The following MXI1 variants were observed in gnomAD, a reference collection of about 807,000 sequenced individuals.
The protein encoded by MXI1 is MAX interactor 1, dimerization protein.
In MXI1, 18 loss-of-function variants were observed where a neutral mutation model predicts 36.9. The ratio of observed to expected loss-of-function variants is 0.49; its 90% confidence interval spans 0.34 to 0.72. The LOEUF (loss-of-function observed/expected upper bound fraction) is 0.72. Among genes scored for constraint, MXI1 ranks in the 30% least tolerant of loss-of-function variants. The pLI is 0.01. For missense variants in MXI1, 304 were observed against 379.1 expected (o/e 0.80, Z 1.64); for synonymous variants, 160 against 146.7 (o/e 1.09, Z -0.65).
chr10:110,262,852 G>T (rs1388139757), intron 3 of MXI1, among the ~76,000 whole-genome samples: 1 of 152,074 alleles, frequency 6.6e-6, no homozygotes, highest in Admixed American at 6.6e-5. Flanking sequence ...AAGATGCACA[G>T]CTAAGATACA....
chr10:110,227,965 ACT>A, intron 1 of MXI1: 1 of 515,576 alleles, frequency 1.9e-6, no homozygotes. Context: ...GGGGGGATAA[ACT>A]CTTTGGTTTA....
At chr10:110,216,137 G>A (rs1374630182) in intron 1 of MXI1, among the ~76,000 whole-genome samples, 2 of 152,300 alleles carry the variant, frequency 1.3e-5, no homozygotes, top group East Asian at 3.9e-4. Flanking sequence ...AAGTGTGCTG[G>A]GCCCCTTGCT....
Position 110,227,523 on chromosome 10 carries a change from G to A in MXI1, c.275-666G>A, listed in dbSNP as rs570422743. On this transcript the variant is annotated intron_variant, in intron 1 of 5. Transcript: ENST00000332674. ...GAGGGTGACCGTGGAGAAGCTTGGA[G>A]GGCCCCGGAGCGGGAGAGGGTGCTG... The A allele has an allele frequency of 3.3e-4, 329 of 987,058 alleles. 1 individual carries two copies. The South Asian group carries it at 4.4e-3, about 13-fold the overall frequency. 61.1% of individuals were successfully genotyped at this position (987,058 alleles called of 1,614,324 possible). A position where few individuals can be genotyped will look rare whatever the true frequency, so the allele number is the denominator to read the frequency against.
rs199622291 is a variant in MXI1, at chr10:110,280,071, C to G, written c.710C>G (p.Ser237Cys). The G allele has an allele frequency of 1.5e-5, 24 of 1,590,028 alleles. No individual in the cohort carries two copies. Among genetic ancestry groups the G allele is most frequent in the Non-Finnish European group, 2.1e-5 (24 of 1,167,140 alleles). The change falls in exon 5 of 6, where the codon TCT becomes TGT. Residue 237 changes from serine (S) to cysteine (C), a missense_variant. Physicochemically the swap from Ser to Cys is moderately radical, Grantham distance 112. Around this residue, in one of 2 missense-constraint regions of MXI1, gnomAD observed 125 missense variants for 194.3 expected, o/e 0.64. Transcript: ENST00000332674. ...SIGSTISSDR[S>C]DSEREEIEVD... is the part of the protein sequence containing the mutation. ...GGATCAACTATTTCTTCAGATCGTTCTGATTCAGAGCGAGGTAGGCAGCTT... is the reference window on the plus strand; with the variant it reads ...GGATCAACTATTTCTTCAGATCGTTGTGATTCAGAGCGAGGTAGGCAGCTT...
intron 1 of MXI1, among the ~76,000 whole-genome samples, chr10:110,216,627 A>G (rs1285131035): frequency 2.2e-5 from 3 of 138,848 alleles, no homozygotes; most frequent in African/African-American, 8.5e-5. Context: ...CAAAAGGAGT[A>G]GTTCTTTCCC....
At chr10:110,209,780 AG>A (rs1265602415) in intron 1 of MXI1, among the ~76,000 whole-genome samples, 2 of 152,036 alleles carry the variant, frequency 1.3e-5, no homozygotes, top group Non-Finnish European at 2.9e-5. Flanking sequence ...CTTTTGTTGC[AG>A]GGGGGAGGGG....
intron 1 of MXI1, among the ~76,000 whole-genome samples, chr10:110,210,823 CGG>C (rs774045485): frequency 6.6e-6 from 1 of 152,210 alleles, no homozygotes. Context: ...TAACGCGAGT[CGG>C]GGGGCGGGTC....
chr10:110,252,451 T>C (rs911877747), intron 3 of MXI1, among the ~76,000 whole-genome samples: 1 of 152,132 alleles, frequency 6.6e-6, no homozygotes, highest in Non-Finnish European at 1.5e-5. Flanking sequence ...ATCTTAGGGC[T>C]TTTGCACTTG....
intron 1 of MXI1, among the ~76,000 whole-genome samples, chr10:110,223,052 G>A (rs796941622): frequency 3.3e-5 from 5 of 152,272 alleles, no homozygotes; most frequent in African/African-American, 9.6e-5. Context: ...CTTTTGGTGA[G>A]TCTCGCTCTA....
rs955665107 is a variant in MXI1, at chr10:110,225,779, T to A, written c.275-2410T>A. ...GCAAAGTCCCGCAACTTCTTAGTCT[T>A]CCCTAGAGACAGGAAAGGAAACCCA... On this transcript the variant is annotated intron_variant, in intron 1 of 5. Coordinates refer to ENST00000332674, the MANE Select transcript of MXI1 (RefSeq NM_130439.3). Among the ~76,000 whole-genome samples, 6 of 152,132 alleles carry A rather than the reference T, an allele frequency of 3.9e-5. 1 individual carries two copies. Among genetic ancestry groups the A allele is most frequent in the Admixed American group, 1.3e-4 (2 of 15,280 alleles).
chr10:110,208,889 A>G (rs1456303750), intron 1 of MXI1, among the ~76,000 whole-genome samples: 1 of 152,118 alleles, frequency 6.6e-6, no homozygotes, highest in Non-Finnish European at 1.5e-5. Context: ...GTTGGGGAAG[A>G]AGGTGTGGGC....
intron 1 of MXI1, among the ~76,000 whole-genome samples, chr10:110,211,714 C>G (rs1437383699): frequency 6.6e-6 from 1 of 152,212 alleles, no homozygotes; most frequent in African/African-American, 2.4e-5. Flanking sequence ...AGGAGGGGTT[C>G]AAATTAAGTC....
At chr10:110,270,383 G>C (rs1856818734) in intron 3 of MXI1, among the ~76,000 whole-genome samples, 1 of 151,712 alleles carries the variant, frequency 6.6e-6, no homozygotes, top group Non-Finnish European at 1.5e-5. Context: ...TTTGGAGTTT[G>C]GGTTCCTTGT....
At chr10:110,255,622 G>T (rs1291147179) in intron 3 of MXI1, among the ~76,000 whole-genome samples, 2 of 152,096 alleles carry the variant, frequency 1.3e-5, no homozygotes, top group Non-Finnish European at 2.9e-5. Context: ...TGAAAGCTTT[G>T]TACACTGAAA....
intron 3 of MXI1, among the ~76,000 whole-genome samples, chr10:110,255,378 A>C (rs1184973222): frequency 1.6e-4 from 24 of 152,204 alleles, no homozygotes; most frequent in Non-Finnish European, 1.8e-4. Flanking sequence ...GAGATGTACA[A>C]GGATATTAAT....
At chr10:110,222,547 C>T (rs1854842878) in intron 1 of MXI1, among the ~76,000 whole-genome samples, 1 of 152,178 alleles carries the variant, frequency 6.6e-6, no homozygotes, top group South Asian at 2.1e-4. Flanking sequence ...GCAGATTGTC[C>T]CCATCCGTGG....
At chr10:110,248,220 A>G (rs1855945694) in intron 3 of MXI1, among the ~76,000 whole-genome samples, 1 of 152,190 alleles carries the variant, frequency 6.6e-6, no homozygotes, top group Non-Finnish European at 1.5e-5. Context: ...GGGGAGGGAT[A>G]GCATTAGGAG....
chr10:110,240,388 C>T (rs1023516451), intron 2 of MXI1, among the ~76,000 whole-genome samples: 7 of 151,910 alleles, frequency 4.6e-5, no homozygotes, highest in African/African-American at 1.7e-4. Context: ...TGTTTAGATA[C>T]TTGATGTTCG....
intron 3 of MXI1, among the ~76,000 whole-genome samples, chr10:110,277,944 C>T (rs899938543): frequency 5.9e-5 from 9 of 152,152 alleles, no homozygotes; most frequent in Non-Finnish European, 7.3e-5. Context: ...ACAGAGAAAG[C>T]GCATAGTTTG....
Sources: allele counts gnomAD v4.1 joint callset (sites outside exome capture counted in the v4.1 genomes callset), GRCh38; gene constraint gnomAD v4.1.1; regional missense constraint gnomAD v4.1.1; transcripts MANE v1.5; gene names NCBI Gene and HGNC (gene_info 2026-07-23, HGNC 2026-07-21).